Variants in PRKG1 observed in about 807,000 individuals in gnomAD.
The protein encoded by PRKG1 is protein kinase cGMP-dependent 1.
PRKG1 carries 35 observed loss-of-function variants against 88.1 expected under a neutral mutation model. That is an observed-to-expected ratio of 0.40 (90% CI 0.30 to 0.53). The LOEUF is 0.53. PRKG1 is among the 20% of genes least tolerant of loss of function. PRKG1 has a pLI of 0.59. For missense variants in PRKG1, 540 were observed against 839.8 expected (o/e 0.64, Z 4.41); for synonymous variants, 303 against 292.5 (o/e 1.04, Z -0.37).
rs1385830210 is a variant in PRKG1 at position 52,163,329 on chromosome 10, G to C, written c.1076+1366G>C. Among the ~76,000 whole-genome samples, 8 of 147,536 alleles carry C rather than the reference G, an allele frequency of 5.4e-5. No homozygotes were observed. In the East Asian group the frequency reaches 1.2e-3, roughly 22 times the overall value. On this transcript the variant is annotated intron_variant, in intron 9 of 17. Coordinates refer to ENST00000373980, the MANE Select transcript of PRKG1 (RefSeq NM_006258.4). The stretch of plus-strand genomic sequence containing the variant: ...ATATAGTATATATGTAATTTTATAT[G>C]TATTACAATTTATATAATTATAATC...
At chr10:51,809,218 A>T (rs1397071213) in intron 4 of PRKG1, among the ~76,000 whole-genome samples, 3 of 151,916 alleles carry the variant, frequency 2.0e-5, no homozygotes, top group African/African-American at 7.3e-5. Context: ...AATCCTATTT[A>T]GTCATTTCTC....
At chr10:52,205,048 T>C (rs1213007823) in intron 9 of PRKG1, among the ~76,000 whole-genome samples, 2 of 152,118 alleles carry the variant, frequency 1.3e-5, no homozygotes, top group Non-Finnish European at 2.9e-5. Flanking sequence ...CTTATGCAGA[T>C]GTAGATAGGG....
At chr10:51,680,958 G>C (rs1373694125) in intron 3 of PRKG1, among the ~76,000 whole-genome samples, 1 of 152,100 alleles carries the variant, frequency 6.6e-6, no homozygotes, top group Admixed American at 6.6e-5. Context: ...TATTATGTAA[G>C]GATCTATTAA....
chr10:51,979,840 G>T (rs922521018), intron 5 of PRKG1, among the ~76,000 whole-genome samples: 1 of 151,648 alleles, frequency 6.6e-6, no homozygotes, highest in South Asian at 2.1e-4. Flanking sequence ...GAAATATCCT[G>T]TTTGTCATTT....
rs575134115 is a variant in PRKG1, at chr10:52,050,601, T to A, written c.763-3883T>A. Reference sequence around the variant, plus strand: ...TGGTGTTACGACACCATAAATATTATCTTTCCCAAACCTAGAATGCCTTTG... The same window carrying A: ...TGGTGTTACGACACCATAAATATTAACTTTCCCAAACCTAGAATGCCTTTG... On this transcript the variant is annotated intron_variant, in intron 5 of 17. Coordinates refer to ENST00000373980, the MANE Select transcript of PRKG1 (RefSeq NM_006258.4). 1.2e-4 allele frequency among the ~76,000 whole-genome samples: 18 copies of A among 152,218 alleles called. No homozygotes were observed. The South Asian group carries it at 3.5e-3, about 30-fold the overall frequency.
intron 9 of PRKG1, among the ~76,000 whole-genome samples, chr10:52,230,197 A>G (rs1840489024): frequency 6.6e-6 from 1 of 152,306 alleles, no homozygotes; most frequent in Non-Finnish European, 1.5e-5. Flanking sequence ...TTAACTTTAT[A>G]TAGTAACACC....
rs773568740 is a variant in PRKG1, at chr10:50,991,319, C to CGTCCCA, written c.-59_-58insTCCCAG. ...TGCCGGCTGCCGTCCCAGCCGCCGC[C>CGTCCCA]GCCGCCGCCGCCGCCGCCGCCGCCC... On this transcript the variant is annotated 5_prime_UTR_variant, in exon 1 of 18. Coordinates refer to the PRKG1 transcript ENST00000401604. The surrounding 1 kb of genome is among the most constrained non-coding windows in gnomAD (Gnocchi z 4.5). 1 of 863,350 alleles carries CGTCCCA rather than the reference C, an allele frequency of 1.2e-6. No individual in the cohort carries two copies. The highest frequency in any genetic ancestry group is 1.6e-6 in the Non-Finnish European group (1 of 639,392). The allele number at this position is 863,350 out of a possible 1,614,324, so 53.5% of individuals were successfully genotyped here.
At chr10:52,065,142 C>A (rs144846122) in intron 7 of PRKG1, among the ~76,000 whole-genome samples, 39 of 152,184 alleles carry the variant, frequency 2.6e-4, no homozygotes, top group African/African-American at 9.2e-4. Flanking sequence ...ATGCATTTTA[C>A]AGAATGCATG....
intron 4 of PRKG1, among the ~76,000 whole-genome samples, chr10:51,816,830 T>C (rs982317349): frequency 6.6e-5 from 10 of 152,194 alleles, no homozygotes; most frequent in African/African-American, 2.4e-4. Flanking sequence ...CTGTTTTCCC[T>C]GTTGGCTGGA....
At chr10:51,641,627 T>C (rs1368922555) in intron 3 of PRKG1, among the ~76,000 whole-genome samples, 1 of 152,116 alleles carries the variant, frequency 6.6e-6, no homozygotes, top group African/African-American at 2.4e-5. Flanking sequence ...GTCTATTAGA[T>C]TGGTGCAAAA....
chr10:51,708,877 G>A (rs10999009), intron 3 of PRKG1, among the ~76,000 whole-genome samples: 19,740 of 152,058 alleles, frequency 0.13, 2,007 homozygotes, highest in African/African-American at 0.28. Context: ...GCTTGAGGGA[G>A]CATCTATCAT....
chr10:51,792,939 G>A (rs139473771), intron 3 of PRKG1, among the ~76,000 whole-genome samples: 344 of 152,058 alleles, frequency 2.3e-3, no homozygotes, highest in Non-Finnish European at 4.0e-3. Context: ...AAGTCAGTCT[G>A]TAAAGAGTAA....
chr10:51,620,641 C>G (rs775843640), intron 3 of PRKG1, among the ~76,000 whole-genome samples: 3 of 151,912 alleles, frequency 2.0e-5, no homozygotes, highest in Admixed American at 6.6e-5. Context: ...TGTTAATATT[C>G]CTATTGTTTC....
intron 3 of PRKG1, among the ~76,000 whole-genome samples, chr10:51,475,313 C>A (rs1840159700): frequency 6.6e-6 from 1 of 151,864 alleles, no homozygotes; most frequent in Non-Finnish European, 1.5e-5. Context: ...ATCACCTAGG[C>A]CCTCATTAGA....
At chr10:51,229,029 T>C (rs1838767636) in intron 2 of PRKG1, among the ~76,000 whole-genome samples, 4 of 152,216 alleles carry the variant, frequency 2.6e-5, no homozygotes, top group Admixed American at 1.3e-4. Flanking sequence ...ACCTTTCCTT[T>C]GGATTTCAAC....
At chr10:51,733,962 A>G (rs1837191206) in intron 3 of PRKG1, among the ~76,000 whole-genome samples, 1 of 152,192 alleles carries the variant, frequency 6.6e-6, no homozygotes, top group Non-Finnish European at 1.5e-5. Context: ...TACTCCAGCT[A>G]TTAAATAGTG....
intron 4 of PRKG1, among the ~76,000 whole-genome samples, chr10:51,822,917 A>G (rs1169135168): frequency 1.3e-5 from 2 of 152,118 alleles, no homozygotes; most frequent in African/African-American, 2.4e-5. Context: ...TGGTTCTCAA[A>G]ATATGATATG....
intron 2 of PRKG1, among the ~76,000 whole-genome samples, chr10:51,199,772 T>G (rs1433366249): frequency 6.6e-6 from 1 of 152,206 alleles, no homozygotes; most frequent in East Asian, 1.9e-4. Flanking sequence ...TTTCAGGTAT[T>G]GGTAATAATT....
chr10:51,587,619 T>C (rs189067901), intron 3 of PRKG1, among the ~76,000 whole-genome samples: 3 of 152,320 alleles, frequency 2.0e-5, no homozygotes, highest in Admixed American at 2.0e-4. Context: ...TAGCTTCACA[T>C]GGTAGGATTA....
Sources: allele counts gnomAD v4.1 joint callset (sites outside exome capture counted in the v4.1 genomes callset), GRCh38; gene constraint gnomAD v4.1.1; non-coding constraint Gnocchi (gnomAD v3.1); transcripts MANE v1.5; gene names NCBI Gene and HGNC (gene_info 2026-07-23, HGNC 2026-07-21).